MEGF8: variants seen among roughly 807,000 people sequenced by gnomAD.
MEGF8 encodes multiple epidermal growth factor-like domains protein 8.
A neutral mutation model predicts 302.9 loss-of-function variants in MEGF8; 156 were observed. The observed-to-expected ratio is 0.52, with a 90% confidence interval of 0.45 to 0.59. MEGF8 has a LOEUF of 0.59. MEGF8 is among the 20% of genes least tolerant of loss of function. The pLI is 0.00. For missense variants in MEGF8, 3,345 were observed against 3,964.5 expected, an observed-to-expected ratio of 0.84 and a Z score of 4.20; for synonymous variants, 1,621 against 1,660.5, an observed-to-expected ratio of 0.98 and a Z score of 0.58.
At position 42,326,322 on chromosome 19, in the gene MEGF8, G is replaced by T; in HGVS notation, c.79G>T (p.Ala27Ser). 6.4e-7 allele frequency: 1 copy of T among 1,569,256 alleles called. No homozygotes were observed. The highest frequency in any genetic ancestry group is 8.6e-7 in the Non-Finnish European group (1 of 1,163,594). ...VLGSLSPGAR[A>S]GDCKGQRQVL... is the part of the protein sequence containing the mutation. ...GGGGTCGCTGTCCCCTGGGGCCCGG[G>T]CGGGGGACTGCAAGGGGCAGCGGCA... The change falls in exon 1 of 42, where the codon GCG becomes TCG. Residue 27 changes from alanine (A) to serine (S), a missense_variant. Physicochemically the swap from Ala to Ser is moderately conservative, Grantham distance 99 (BLOSUM62 1). Coordinates refer to ENST00000251268, the MANE Select transcript of MEGF8 (RefSeq NM_001271938.2).
intron 1 of MEGF8, among the ~76,000 whole-genome samples, chr19:42,333,013 A>T (rs1395191776): frequency 2.0e-5 from 3 of 152,234 alleles, no homozygotes; most frequent in Admixed American, 2.0e-4. Context: ...GTCTGGTTCC[A>T]GAGTTTGTGC....
Position 42,344,837 on chromosome 19 carries a change from G to T in MEGF8, c.2097+4G>T. ...CAATACCTCCCAGCCTGACAAGGTG[G>T]GTAGGAGGCGTGGCCCTGGGTGGGG... On this transcript the variant is annotated splice_donor_region_variant and intron_variant, in intron 12 of 41. Coordinates refer to ENST00000251268, the MANE Select transcript of MEGF8 (RefSeq NM_001271938.2). The surrounding 1 kb of genome is among the most constrained non-coding windows in gnomAD (Gnocchi z 4.5). 1.3e-6 allele frequency: 2 copies of T among 1,552,884 alleles called. No individual in the cohort carries two copies. The highest frequency in any genetic ancestry group is 2.3e-5 in the East Asian group (1 of 43,590).
chr19:42,341,903 C>T (rs2147460686), intron 8 of MEGF8, among the ~76,000 whole-genome samples: 1 of 152,306 alleles, frequency 6.6e-6, no homozygotes, highest in African/African-American at 2.4e-5. Context: ...CTTATACCTG[C>T]AAGTTGGGCG....
Position 42,369,778 on chromosome 19 carries a change from CTTCAT to C in MEGF8, c.6834+56_6834+60del. Reference sequence around the variant, plus strand: ...CCCTGGGACCCAGGCCCTCACTTGCCTTCATCCCACGCTCAGGCGGCTCGCATCTC... The same window carrying C: ...CCCTGGGACCCAGGCCCTCACTTGCCCCCACGCTCAGGCGGCTCGCATCTC... On this transcript the variant is annotated intron_variant, in intron 38 of 41. Coordinates refer to ENST00000251268, the MANE Select transcript of MEGF8 (RefSeq NM_001271938.2). This position sits in a 1 kb window ranked among gnomAD's most constrained non-coding sequence, Gnocchi z 5.7. 6.6e-7 allele frequency: 1 copy of C among 1,520,782 alleles called. No homozygotes were observed. Among genetic ancestry groups the C allele is most frequent in the African/African-American group, 1.4e-5 (1 of 72,930 alleles). 94.2% of individuals were successfully genotyped at this position (1,520,782 alleles called of 1,614,324 possible).
In MEGF8 at chr19:42,344,672, C is replaced by A. The variant is rs201134458; in HGVS notation, c.1936C>A (p.Gln646Lys). Residue 646 changes from glutamine (Q) to lysine (K), a missense_variant and splice_region_variant, in exon 12 of 42, where the codon CAG becomes AAG. By Grantham distance (53) the Gln-to-Lys change is moderately conservative. Transcript: ENST00000251268. This position sits in a 1 kb window ranked among gnomAD's most constrained non-coding sequence, Gnocchi z 4.5. ...GCCCCCACCCCCTGTCTTCTCAGAG[C>A]AGGCCCGCTGCCGAGGGGAGCAGAT... is the stretch of plus-strand genomic sequence containing the variant. ...HNESCLPRPE[Q>K]ARCRGEQISG... 21 of 1,576,558 alleles carry A rather than the reference C, an allele frequency of 1.3e-5. No individual in the cohort carries two copies. Among genetic ancestry groups the A allele is most frequent in the Non-Finnish European group, 1.7e-5 (20 of 1,158,874 alleles).
rs371697506 is a variant in MEGF8 at position 42,373,100 on chromosome 19, C to CT, written c.7269+1629dup. ...TAGAAGTAGCAGTTTTTCTTGGTTCCTTTTTTTTTTTGAGACGGAGTCTCA... is the reference window on the plus strand; with the variant it reads ...TAGAAGTAGCAGTTTTTCTTGGTTCCTTTTTTTTTTTTGAGACGGAGTCTCA... On this transcript the variant is annotated intron_variant, in intron 41 of 41. Coordinates refer to ENST00000251268, the MANE Select transcript of MEGF8 (RefSeq NM_001271938.2). Among the ~76,000 whole-genome samples, 776 of 145,400 alleles carry CT rather than the reference C, an allele frequency of 5.3e-3. 8 individuals are homozygous for CT. The highest frequency in any genetic ancestry group is 0.011 in the Middle Eastern group (3 of 270).
Position 42,376,435 on chromosome 19 carries a change from C to A in MEGF8, c.8198C>A (p.Ala2733Glu), listed in dbSNP as rs763736870. The A allele has an allele frequency of 1.1e-5, 17 of 1,611,952 alleles. No homozygotes were observed. Among genetic ancestry groups the A allele is most frequent in the Middle Eastern group, 1.6e-4 (1 of 6,082 alleles). The change falls in exon 42 of 42, where the codon GCA becomes GAA. Residue 2733 changes from alanine (A) to glutamate (E), a missense_variant. Transcript: ENST00000251268. This position sits in a 1 kb window ranked among gnomAD's most constrained non-coding sequence, Gnocchi z 8.2. The stretch of plus-strand genomic sequence containing the variant: ...TTCCGCCGCTCTGAGCCCTTCCTGG[C>A]ACCCCTGCTGCTGACAGGGGCCGGT... ...PAFRRSEPFL[A>E]PLLLTGAGGP...
Position 42,346,725 on chromosome 19 carries a change from C to T in MEGF8, c.2098-1547C>T, listed in dbSNP as rs556738166. ...AAAGGCTGGGCACGGTGGCTCACGC[C>T]GGTAATCCCAGCACTTTGTGAGGCC... On this transcript the variant is annotated intron_variant, in intron 12 of 41. Transcript: ENST00000251268. 6.1e-4 allele frequency among the ~76,000 whole-genome samples: 92 copies of T among 152,012 alleles called. 1 individual carries two copies. The highest frequency in any genetic ancestry group is 3.4e-3 in the Middle Eastern group (1 of 294).
intron 1 of MEGF8, among the ~76,000 whole-genome samples, chr19:42,329,741 A>T (rs1460999687): frequency 1.3e-5 from 2 of 151,986 alleles, no homozygotes; most frequent in African/African-American, 2.4e-5. Context: ...GGGTGGTGGC[A>T]TGTGCCTATA....
chr19:42,350,006 C>T (rs1600044277), intron 14 of MEGF8, 142 bp from the exon 15 acceptor site: 5 of 687,464 alleles, frequency 7.3e-6, no homozygotes, highest in South Asian at 5.6e-5. Flanking sequence ...AGACCTTGGA[C>T]CTCTTTACTG....
In MEGF8 at chr19:42,356,342, C is replaced by T. The variant is rs1357792592; in HGVS notation, c.4511C>T (p.Ala1504Val). ...GTCCGCACCCACCCCTAGGACACTG[C>T]CAGCCGCTTCCTGCACCGCCTGGGC... The part of the protein sequence containing the change: ...LMDSRLSADT[A>V]SRFLHRLGHT... Residue 1504 changes from alanine (A) to valine (V), a missense_variant, in exon 26 of 42, where the codon GCC becomes GTC. Physicochemically the swap from Ala to Val is moderately conservative, Grantham distance 64. Transcript: ENST00000251268. The surrounding 1 kb of genome is among the most constrained non-coding windows in gnomAD (Gnocchi z 5.2). The T allele has an allele frequency of 1.2e-6, 2 of 1,612,088 alleles. No individual in the cohort carries two copies. Among genetic ancestry groups the T allele is most frequent in the East Asian group, 2.2e-5 (1 of 44,846 alleles).
rs989047623 is a variant in MEGF8 at position 42,353,317 on chromosome 19, C to T, written c.3551-148C>T. 6.4e-6 allele frequency: 7 copies of T among 1,085,930 alleles called. No individual in the cohort carries two copies. Among genetic ancestry groups the T allele is most frequent in the Non-Finnish European group, 7.9e-6 (6 of 762,934 alleles). The allele number at this position is 1,085,930 out of a possible 1,614,324, so 67.3% of individuals were successfully genotyped here. On this transcript the variant is annotated intron_variant, in intron 20 of 41. Transcript: ENST00000251268. The surrounding 1 kb of genome is among the most constrained non-coding windows in gnomAD (Gnocchi z 6.1). ...CACTCTGGTTGGGCTTCAGTTCCCC[C>T]TCTTGGGACTTGCTGTTTCCCCTGA...
intron 41 of MEGF8, among the ~76,000 whole-genome samples, chr19:42,374,851 G>T (rs549882784): frequency 5.9e-5 from 9 of 152,206 alleles, no homozygotes; most frequent in Admixed American, 5.9e-4. Flanking sequence ...AATGGTAGAC[G>T]CAGGACACAG....
rs2039479548 is a variant in MEGF8, at chr19:42,358,179, A to C, written c.5047A>C (p.Thr1683Pro). 1 of 1,599,808 alleles carries C rather than the reference A, an allele frequency of 6.3e-7. No homozygotes were observed. The highest frequency in any genetic ancestry group is 1.7e-5 in the Admixed American group (1 of 58,136). The change falls in exon 29 of 42, where the codon ACC becomes CCC. Residue 1683 changes from threonine to proline, a missense_variant. Physicochemically the swap from Thr to Pro is conservative, Grantham distance 38. Coordinates refer to ENST00000251268, the MANE Select transcript of MEGF8 (RefSeq NM_001271938.2). This position sits in a 1 kb window ranked among gnomAD's most constrained non-coding sequence, Gnocchi z 4.4. Reference sequence around the variant, plus strand: ...TCACTCTGCTGTCTACCACGAGGCCACCGACTCCCTCTACGTGTTTGGGGG... The same window carrying C: ...TCACTCTGCTGTCTACCACGAGGCCCCCGACTCCCTCTACGTGTTTGGGGG... The part of the protein sequence containing the change: ...YGHSAVYHEA[T>P]DSLYVFGGFR...
intron 1 of MEGF8, among the ~76,000 whole-genome samples, chr19:42,331,361 G>A (rs1325454227): frequency 6.6e-6 from 1 of 152,180 alleles, no homozygotes; most frequent in Non-Finnish European, 1.5e-5. Flanking sequence ...CCTCCAGCTG[G>A]TCATGGGCAG....
chr19:42,326,173 C>T lies in MEGF8; in HGVS notation c.-71C>T, dbSNP rs1285426282. On this transcript the variant is annotated 5_prime_UTR_variant, in exon 1 of 42. Transcript: ENST00000251268. ...TAGAGGTCGCATTTGCAGGGCCTCA[C>T]CCCGGGTAGAGGGTCCTCTCCAGGT... is the stretch of plus-strand genomic sequence containing the variant. 2.1e-6 allele frequency: 3 copies of T among 1,431,144 alleles called. No homozygotes were observed. The East Asian group carries it at 8.4e-5, about 40-fold the overall frequency. 88.7% of individuals were successfully genotyped at this position (1,431,144 alleles called of 1,614,324 possible). A position where few individuals can be genotyped will look rare whatever the true frequency, so the allele number is the denominator to read the frequency against.
intron 35 of MEGF8, among the ~76,000 whole-genome samples, chr19:42,365,460 C>T (rs1465007799): frequency 6.6e-6 from 1 of 151,976 alleles, no homozygotes; most frequent in Non-Finnish European, 1.5e-5. Flanking sequence ...TCTATGAAAC[C>T]TCCTAGCTTT....
Position 42,378,381 on chromosome 19 carries a change from C to A in MEGF8, c.*1606C>A, listed in dbSNP as rs2039795818. 6.5e-6 allele frequency: 1 copy of A among 153,740 alleles called. No homozygotes were observed. The highest frequency in any genetic ancestry group is 1.5e-5 in the Non-Finnish European group (1 of 68,092). 9.5% of individuals were successfully genotyped at this position (153,740 alleles called of 1,614,324 possible). ...GACAAAACCTCTGCCTGAGATCCCA[C>A]CCCAGGTGGGCATGGGGGCCACTGA... is the stretch of plus-strand genomic sequence containing the variant. On this transcript the variant is annotated 3_prime_UTR_variant, in exon 42 of 42. Transcript: ENST00000251268.
intron 35 of MEGF8, among the ~76,000 whole-genome samples, chr19:42,364,997 G>A (rs2039583831): frequency 6.6e-6 from 1 of 152,184 alleles, no homozygotes; most frequent in South Asian, 2.1e-4. Flanking sequence ...CCACTGGGAG[G>A]ATTCCCAGTC....
Sources: gnomAD v4.1 joint callset for allele counts (sites outside exome capture counted in the v4.1 genomes callset) on GRCh38, gnomAD v4.1.1 for gene constraint, Gnocchi (gnomAD v3.1) non-coding constraint, MANE v1.5 for transcripts, NCBI Gene and HGNC (gene_info 2026-07-23, HGNC 2026-07-21) for gene names.